The following PXDNL variants were observed in gnomAD, a reference collection of about 807,000 sequenced individuals.
The protein encoded by PXDNL is peroxidasin like.
In PXDNL, 145 loss-of-function variants were observed where a neutral mutation model predicts 150.8. The ratio of observed to expected loss-of-function variants is 0.96; its 90% CI spans 0.84 to 1.10. The LOEUF (loss-of-function observed/expected upper bound fraction) is 1.10. Among genes scored for constraint, PXDNL ranks in the 50% least tolerant of loss-of-function variants. PXDNL has a pLI of 0.00. For missense variants in PXDNL, 2,087 were observed against 1,873.9 expected (o/e 1.11, Z -2.10); for synonymous variants, 757 against 725.7 (o/e 1.04, Z -0.69).
intron 4 of PXDNL, among the ~76,000 whole-genome samples, chr8:51,551,959 G>C (rs117511719): frequency 2.8e-3 from 423 of 151,998 alleles, no homozygotes; most frequent in Non-Finnish European, 4.8e-3. Flanking sequence ...ATCTATAAGG[G>C]AACTAAAACA....
At chr8:51,623,503 C>T (rs72638058) in intron 2 of PXDNL, among the ~76,000 whole-genome samples, 1 of 152,352 alleles carries the variant, frequency 6.6e-6, no homozygotes, top group Non-Finnish European at 1.5e-5. Context: ...CATGAGCATG[C>T]ATGTGTATTT....
At chr8:51,775,047 T>C (rs2129244743) in intron 1 of PXDNL, among the ~76,000 whole-genome samples, 1 of 152,278 alleles carries the variant, frequency 6.6e-6, no homozygotes, top group African/African-American at 2.4e-5. Flanking sequence ...TAAAATTAAA[T>C]ATGTACCTAA....
chr8:51,615,116 G>A (rs1585622858), intron 2 of PXDNL, among the ~76,000 whole-genome samples: 2 of 152,128 alleles, frequency 1.3e-5, no homozygotes, highest in South Asian at 4.1e-4. Context: ...TACTCAGAAT[G>A]TGCAAGTTAA....
At chr8:51,547,763 T>C (rs1449980613) in intron 4 of PXDNL, among the ~76,000 whole-genome samples, 6 of 152,262 alleles carry the variant, frequency 3.9e-5, no homozygotes, top group Non-Finnish European at 8.8e-5. Context: ...AAAGTAATTC[T>C]GAAAGTATGA....
chr8:51,380,229 A>G (rs985320017), intron 17 of PXDNL, among the ~76,000 whole-genome samples: 3 of 152,212 alleles, frequency 2.0e-5, no homozygotes, highest in African/African-American at 7.2e-5. Flanking sequence ...GCCTCCCACA[A>G]GCTGCAGGTT....
At chr8:51,630,585 C>T (rs761799170) in intron 2 of PXDNL, among the ~76,000 whole-genome samples, 6 of 151,854 alleles carry the variant, frequency 4.0e-5, no homozygotes, top group Non-Finnish European at 8.8e-5. Context: ...AAAGAAATCA[C>T]CAAGCAAACC....
intron 1 of PXDNL, among the ~76,000 whole-genome samples, chr8:51,782,803 T>TA (rs2037427292): frequency 6.6e-6 from 1 of 152,228 alleles, no homozygotes; most frequent in Non-Finnish European, 1.5e-5. Context: ...AACATAACCT[T>TA]ATCCCATAAA....
intron 8 of PXDNL, 133 bp downstream of exon 8, chr8:51,472,054 A>T: frequency 1.7e-6 from 1 of 586,198 alleles, no homozygotes; most frequent in Non-Finnish European, 3.0e-6. Flanking sequence ...GATAAAAGTT[A>T]AAAGGCATTT....
intron 1 of PXDNL, among the ~76,000 whole-genome samples, chr8:51,772,370 G>C (rs1053044244): frequency 6.6e-6 from 1 of 152,052 alleles, no homozygotes. Flanking sequence ...AGAGAACCTT[G>C]TGGACTTTCA....
intron 12 of PXDNL, 110 bp downstream of exon 12, chr8:51,446,894 C>CTATA (rs151149131): frequency 1.2e-4 from 80 of 686,744 alleles, no homozygotes; most frequent in African/African-American, 9.2e-4. Flanking sequence ...GATCATATGA[C>CTATA]TATATATATA....
intron 5 of PXDNL, among the ~76,000 whole-genome samples, chr8:51,486,771 TA>T (rs1810753374): frequency 1.2e-3 from 11 of 8,826 alleles, no homozygotes; most frequent in South Asian, 5.2e-3. Context: ...TATATATATA[TA>T]TATATATATA....
At chr8:51,773,820 G>A (rs1006025685) in intron 1 of PXDNL, among the ~76,000 whole-genome samples, 1 of 152,154 alleles carries the variant, frequency 6.6e-6, no homozygotes. Flanking sequence ...TAATCCATTT[G>A]CACAACTAAT....
At chr8:51,359,244 A>G (rs998470647) in intron 19 of PXDNL, among the ~76,000 whole-genome samples, 1 of 152,188 alleles carries the variant, frequency 6.6e-6, no homozygotes, top group African/African-American at 2.4e-5. Flanking sequence ...AGAGACAGAG[A>G]TGACAAAAGA....
chr8:51,390,055 GC>G (rs374763422), intron 17 of PXDNL, among the ~76,000 whole-genome samples: 23 of 151,014 alleles, frequency 1.5e-4, no homozygotes, highest in African/African-American at 3.4e-4. Context: ...TGGAAGCCAT[GC>G]CCCCCCCACC....
In PXDNL at chr8:51,447,071, A is replaced by G; in HGVS notation, c.1458T>C (p.Tyr486=). 1.9e-6 allele frequency: 3 copies of G among 1,614,026 alleles called. No homozygotes were observed. Among genetic ancestry groups the G allele is most frequent in the Non-Finnish European group, 2.5e-6 (3 of 1,179,904 alleles). ...CCAACGAACTGACTGCTTGACATTC[A>G]TATTGGCCTTGATCGTGCTGTGCTG... ...DRAAQHDQGQ[Y]ECQAVSSLGV... The change falls in exon 12 of 23, where the codon TAT becomes TAC. Residue 486 remains tyrosine (Y), a synonymous_variant. Transcript: ENST00000356297.
At chr8:51,621,390 A>T (rs1415033161) in intron 2 of PXDNL, among the ~76,000 whole-genome samples, 4 of 152,080 alleles carry the variant, frequency 2.6e-5, no homozygotes, top group Non-Finnish European at 5.9e-5. Flanking sequence ...AATATTGTTG[A>T]TAAAACTATT....
At chr8:51,327,342 C>T (rs1183620963) in intron 21 of PXDNL, among the ~76,000 whole-genome samples, 1 of 152,174 alleles carries the variant, frequency 6.6e-6, no homozygotes, top group Non-Finnish European at 1.5e-5. Flanking sequence ...CAAGAATTAC[C>T]AAGTTATCTT....
At chr8:51,513,016 T>C (rs940425652) in intron 4 of PXDNL, among the ~76,000 whole-genome samples, 6 of 152,260 alleles carry the variant, frequency 3.9e-5, no homozygotes, top group Non-Finnish European at 7.3e-5. Context: ...GCCTGCATGC[T>C]GTGGAATGAT....
chr8:51,352,119 C>T (rs1166686224), intron 19 of PXDNL, among the ~76,000 whole-genome samples: 3 of 151,896 alleles, frequency 2.0e-5, no homozygotes, highest in South Asian at 2.1e-4. Flanking sequence ...ACACTGCCCT[C>T]GACTTACTCT....
Sources: allele counts gnomAD v4.1 joint callset (sites outside exome capture counted in the v4.1 genomes callset), GRCh38; gene constraint gnomAD v4.1.1; transcripts MANE v1.5; gene names NCBI Gene and HGNC (gene_info 2026-07-23, HGNC 2026-07-21).